The following PCDH11X variants were observed in gnomAD, a reference collection of about 807,000 sequenced individuals.
PCDH11X encodes protocadherin 11 X-linked.
A neutral mutation model predicts 53.3 loss-of-function variants in PCDH11X; 18 were observed. The observed-to-expected ratio is 0.34, with a 90% CI of 0.23 to 0.50. The LOEUF (loss-of-function observed/expected upper bound fraction) is 0.50, where lower values mean the gene tolerates loss of function less well. PCDH11X is among the 20% of genes least tolerant of loss of function. The probability of loss-of-function intolerance (pLI) is 0.98; values close to 1 mark genes in which losing one functional copy is unlikely to be tolerated. For missense variants in PCDH11X, 570 were observed against 1,032.4 expected (o/e 0.55, Z 6.14); for synonymous variants, 279 against 393.3 (o/e 0.71, Z 3.44).
intron 1 of PCDH11X, among the ~76,000 whole-genome samples, chrX:91,798,623 A>G (rs1204916707): frequency 1.8e-5 from 2 of 110,900 alleles, no homozygotes; most frequent in Non-Finnish European, 3.8e-5. Flanking sequence ...TCACTTTCTT[A>G]AAATATAAGT....
At chrX:92,277,581 CT>C (rs2068130141) in intron 8 of PCDH11X, among the ~76,000 whole-genome samples, 1 of 107,834 alleles carries the variant, frequency 9.3e-6, no homozygotes. Context: ...GGGTTCTTAC[CT>C]TCTAGAAAAG....
intron 8 of PCDH11X, among the ~76,000 whole-genome samples, chrX:92,276,446 G>T (rs1397660696): frequency 4.5e-5 from 5 of 110,415 alleles, no homozygotes; most frequent in Non-Finnish European, 9.5e-5. Flanking sequence ...GTCCTGCACA[G>T]ATGGGACACA....
chrX:92,381,620 G>A lies in PCDH11X; in HGVS notation c.3145-6115G>A, dbSNP rs764781362. Among the ~76,000 whole-genome samples the A allele has an allele frequency of 1.3e-4, 14 of 111,828 alleles. No individual in the cohort carries two copies. The South Asian group carries it at 5.2e-3, about 42-fold the overall frequency. On this transcript the variant is annotated intron_variant, in intron 8 of 10. Coordinates refer to ENST00000682573, the MANE Select transcript of PCDH11X (RefSeq NM_032968.5). The stretch of plus-strand genomic sequence containing the variant: ...GTTTATGCCATTAATGACAATGCCA[G>A]GTTTTTCCTCTTTCGTTGTATGCTA...
chrX:92,128,743 A>AT (rs915011606), intron 6 of PCDH11X, among the ~76,000 whole-genome samples: 1 of 110,513 alleles, frequency 9.0e-6, no homozygotes, highest in Non-Finnish European at 1.9e-5. Context: ...TCAGAAAATA[A>AT]TTTTTTACAA....
intron 6 of PCDH11X, among the ~76,000 whole-genome samples, chrX:91,995,633 C>T (rs2062404079): frequency 9.0e-6 from 1 of 111,040 alleles, no homozygotes; most frequent in Admixed American, 9.6e-5. Flanking sequence ...CAGCTTTGTT[C>T]TTCTTCCTCA....
intron 10 of PCDH11X, among the ~76,000 whole-genome samples, chrX:92,544,873 G>T (rs1412185032): frequency 1.8e-5 from 2 of 111,251 alleles, no homozygotes; most frequent in Non-Finnish European, 3.8e-5. Context: ...ATTAAATTTA[G>T]ATGTCATGTT....
intron 9 of PCDH11X, among the ~76,000 whole-genome samples, chrX:92,455,713 C>A: frequency 1.7e-5 from 1 of 59,768 alleles, no homozygotes; most frequent in African/African-American, 6.4e-5. Flanking sequence ...CTTAGTCAAC[C>A]TATGGGGATA....
intron 9 of PCDH11X, among the ~76,000 whole-genome samples, chrX:92,399,825 T>C (rs1603300468): frequency 1.8e-5 from 2 of 109,001 alleles, no homozygotes; most frequent in Admixed American, 2.0e-4. Context: ...CACTGCAAGC[T>C]CCACCTCCTG....
intron 10 of PCDH11X, among the ~76,000 whole-genome samples, chrX:92,561,885 A>G (rs5942304): frequency 0.38 from 39,696 of 105,490 alleles, 6,272 homozygotes; most frequent in South Asian, 0.47. Flanking sequence ...GGTCATTGAT[A>G]AGGAAAGAAT....
At chrX:92,142,711 G>A (rs1170338686) in intron 6 of PCDH11X, among the ~76,000 whole-genome samples, 2 of 110,344 alleles carry the variant, frequency 1.8e-5, no homozygotes, top group Non-Finnish European at 1.9e-5. Context: ...TTACAAATAC[G>A]GGTAACTTGT....
chrX:92,213,124 T>C (rs6652622), intron 7 of PCDH11X, among the ~76,000 whole-genome samples: 2 of 111,816 alleles, frequency 1.8e-5, no homozygotes, highest in Non-Finnish European at 3.8e-5. Context: ...AGACTAAATA[T>C]AAAAAAATCA....
At chrX:91,839,670 A>C (rs1183476294) in intron 5 of PCDH11X, among the ~76,000 whole-genome samples, 1 of 110,659 alleles carries the variant, frequency 9.0e-6, no homozygotes, top group African/African-American at 3.3e-5. Flanking sequence ...AGTGATTACC[A>C]AGTAATTCTG....
chrX:92,075,018 C>T (rs1273609679), intron 6 of PCDH11X, among the ~76,000 whole-genome samples: 2 of 110,991 alleles, frequency 1.8e-5, no homozygotes, highest in Non-Finnish European at 1.9e-5. Context: ...GGGTATAGAG[C>T]TCACAGGTAA....
At chrX:91,895,087 C>T (rs1214751005) in intron 6 of PCDH11X, among the ~76,000 whole-genome samples, 1 of 111,006 alleles carries the variant, frequency 9.0e-6, no homozygotes, top group Non-Finnish European at 1.9e-5. Context: ...TCTTTTTACT[C>T]AGGAAAACAG....
intron 9 of PCDH11X, 171 bp from the exon 10 acceptor site, chrX:92,468,128 G>A (rs180862147): frequency 5.5e-6 from 3 of 546,824 alleles, no homozygotes; most frequent in East Asian, 3.5e-4. Flanking sequence ...AAATACAAAT[G>A]CGAAGGAGCA....
At chrX:92,252,126 C>T (rs1024111099) in intron 7 of PCDH11X, among the ~76,000 whole-genome samples, 1 of 110,979 alleles carries the variant, frequency 9.0e-6, no homozygotes, top group Non-Finnish European at 1.9e-5. Context: ...TTCTTTAAAA[C>T]CACCAGCACT....
At chrX:92,069,000 A>C (rs1454015020) in intron 6 of PCDH11X, among the ~76,000 whole-genome samples, 3 of 110,579 alleles carry the variant, frequency 2.7e-5, no homozygotes, top group Non-Finnish European at 5.7e-5. Context: ...CATTTGTTCT[A>C]CTATGCAGAT....
At chrX:91,932,629 G>A (rs2147841735) in intron 6 of PCDH11X, among the ~76,000 whole-genome samples, 1 of 100,774 alleles carries the variant, frequency 9.9e-6, no homozygotes, top group African/African-American at 3.6e-5. Flanking sequence ...AGGGAAGAGA[G>A]GTATGAAGAA....
intron 5 of PCDH11X, among the ~76,000 whole-genome samples, chrX:91,842,938 T>A (rs1375206260): frequency 9.8e-6 from 1 of 101,547 alleles, no homozygotes; most frequent in African/African-American, 3.6e-5. Context: ...CTCATCCTTT[T>A]ACTTATTTTA....
Sources: gnomAD v4.1 joint callset for allele counts (sites outside exome capture counted in the v4.1 genomes callset) on GRCh38, gnomAD v4.1.1 for gene constraint, MANE v1.5 for transcripts, NCBI Gene and HGNC (gene_info 2026-07-23, HGNC 2026-07-21) for gene names.